PUS10: variants seen among roughly 807,000 people sequenced by gnomAD.
The protein encoded by PUS10 is tRNA pseudouridine synthase Pus10.
PUS10 carries 59 observed loss-of-function variants against 75.0 expected under a neutral mutation model. The ratio of observed to expected loss-of-function variants is 0.79; its 90% CI spans 0.64 to 0.98. PUS10 has a LOEUF of 0.98. Among genes scored for constraint, PUS10 ranks in the 50% least tolerant of loss-of-function variants. The pLI is 0.00. For synonymous variants in PUS10, 219 were observed against 211.6 expected (o/e 1.03, Z -0.30); for missense variants, 650 against 614.4 (o/e 1.06, Z -0.61).
intron 4 of PUS10, among the ~76,000 whole-genome samples, chr2:60,998,185 A>G (rs1678604391): frequency 6.6e-6 from 1 of 152,216 alleles, no homozygotes; most frequent in Non-Finnish European, 1.5e-5. Flanking sequence ...AAGGGAAATT[A>G]CCAATTAAAA....
chr2:61,008,178 G>A (rs1353812422), intron 3 of PUS10, among the ~76,000 whole-genome samples: 1 of 152,020 alleles, frequency 6.6e-6, no homozygotes, highest in Non-Finnish European at 1.5e-5. Context: ...CTTGAGGCCA[G>A]GAGTTCAAGA....
intron 4 of PUS10, among the ~76,000 whole-genome samples, chr2:60,992,563 C>T (rs1335958315): frequency 6.6e-6 from 1 of 151,368 alleles, no homozygotes; most frequent in Non-Finnish European, 1.5e-5. Context: ...CATCATAACA[C>T]CCCAGCCTCA....
rs995155113 is a variant in PUS10 at position 61,005,306 on chromosome 2, C to T, written c.468+1251G>A. Among the ~76,000 whole-genome samples, 10 of 151,962 alleles carry T rather than the reference C, an allele frequency of 6.6e-5. No individual in the cohort carries two copies. The South Asian group carries it at 8.3e-4, about 13-fold the overall frequency. ...ACAAACAAATCTTCTGTTTCTAATA[C>T]GGAATATAAATACCTTATAAATAGT... is the stretch of plus-strand genomic sequence containing the variant. On this transcript the variant is annotated intron_variant, in intron 4 of 17. Transcript: ENST00000316752.
At chr2:60,962,950 C>T (rs993624764) in intron 8 of PUS10, 60 bp from the exon 9 acceptor site, 88 of 1,489,964 alleles carry the variant, frequency 5.9e-5, no homozygotes, top group African/African-American at 1.6e-4. Flanking sequence ...AAACATCAGA[C>T]GTGAAACACA....
chr2:60,968,688 A>T (rs553283613), intron 5 of PUS10, among the ~76,000 whole-genome samples: 3 of 151,840 alleles, frequency 2.0e-5, no homozygotes, highest in South Asian at 2.1e-4. Context: ...AAAAAAAAAT[A>T]AAAAAAAGAA....
chr2:61,007,310 C>T (rs1267004488), intron 3 of PUS10, among the ~76,000 whole-genome samples: 1 of 151,250 alleles, frequency 6.6e-6, no homozygotes, highest in East Asian at 1.9e-4. Flanking sequence ...TATAAAAATT[C>T]TTGGACCTGG....
intron 11 of PUS10, among the ~76,000 whole-genome samples, chr2:60,956,500 A>T (rs971406691): frequency 3.3e-5 from 5 of 152,188 alleles, no homozygotes; most frequent in African/African-American, 1.2e-4. Context: ...GGCCTCAAAG[A>T]AATAAGTCTA....
chr2:60,960,540 G>A, intron 10 of PUS10, 23 bp from the exon 11 acceptor site: 2 of 1,556,782 alleles, frequency 1.3e-6, no homozygotes, highest in Non-Finnish European at 1.7e-6. Flanking sequence ...TAATCAGATA[G>A]CCTGGATGGA....
intron 4 of PUS10, among the ~76,000 whole-genome samples, chr2:61,000,925 A>C (rs371731109): frequency 1.3e-5 from 2 of 152,214 alleles, no homozygotes; most frequent in African/African-American, 4.8e-5. Flanking sequence ...TTCTGAAGCT[A>C]TACTGAAATG....
chr2:60,991,170 C>A (rs1678050634), intron 4 of PUS10, among the ~76,000 whole-genome samples: 1 of 152,118 alleles, frequency 6.6e-6, no homozygotes, highest in African/African-American at 2.4e-5. Context: ...TGAGTCCCTG[C>A]ACCTGGCCTG....
intron 15 of PUS10, among the ~76,000 whole-genome samples, chr2:60,948,650 GT>G (rs1278611715): frequency 1.3e-5 from 2 of 152,096 alleles, no homozygotes. Context: ...AATACATCTT[GT>G]TTAGGGTGAC....
intron 11 of PUS10, among the ~76,000 whole-genome samples, chr2:60,959,670 C>T (rs867828807): frequency 2.0e-5 from 3 of 152,184 alleles, no homozygotes; most frequent in South Asian, 2.1e-4. Flanking sequence ...ATTGCAGGTG[C>T]GCACCACTGC....
intron 11 of PUS10, among the ~76,000 whole-genome samples, chr2:60,956,382 G>A (rs951891201): frequency 1.3e-5 from 2 of 152,220 alleles, no homozygotes; most frequent in Non-Finnish European, 2.9e-5. Context: ...GCTAGGATTT[G>A]TCTTACAGCT....
intron 1 of PUS10, among the ~76,000 whole-genome samples, chr2:61,013,747 G>A (rs12998880): frequency 0.14 from 21,359 of 152,016 alleles, 1,849 homozygotes; most frequent in Non-Finnish European, 0.19. Context: ...AATTGAGGCC[G>A]GGTGCAGTGG....
intron 3 of PUS10, among the ~76,000 whole-genome samples, chr2:61,007,769 C>CAA (rs70959884): frequency 0.27 from 21,747 of 80,164 alleles, 2,099 homozygotes; most frequent in Middle Eastern, 0.39. Flanking sequence ...AACTCTGTCT[C>CAA]AAAAAAAAAA....
rs767346075 is a variant in PUS10, at chr2:61,018,222, T to G, written c.-230A>C. ...CTGTAGCAGTTGAGAGCGGCATTTG[T>G]CCAGCCACGGCATCGACAGGGAGCA... On this transcript the variant is annotated 5_prime_UTR_variant, in exon 1 of 18. Transcript: ENST00000316752. 1.3e-4 allele frequency: 196 copies of G among 1,551,042 alleles called. No homozygotes were observed. Among genetic ancestry groups the G allele is most frequent in the East Asian group, 5.6e-4 (23 of 41,058 alleles).
chr2:60,989,804 T>C (rs1365566315), intron 4 of PUS10, among the ~76,000 whole-genome samples: 13 of 152,056 alleles, frequency 8.5e-5, no homozygotes, highest in Admixed American at 8.5e-4. Context: ...AATATATTTT[T>C]AGTAGAGATG....
At chr2:60,963,966 T>C (rs941762734) in intron 8 of PUS10, among the ~76,000 whole-genome samples, 2 of 152,222 alleles carry the variant, frequency 1.3e-5, no homozygotes, top group African/African-American at 4.8e-5. Flanking sequence ...TTACAGGTTA[T>C]TTGGGCAGAG....
In PUS10 at chr2:60,960,436, TC is replaced by T; in HGVS notation, c.955del (p.Glu319LysfsTer3). 3 of 1,578,114 alleles carry T rather than the reference TC, an allele frequency of 1.9e-6. No homozygotes were observed. The highest frequency in any genetic ancestry group is 2.6e-6 in the Non-Finnish European group (3 of 1,166,780). ...CAACAGATGATCTGAAATTAATTCT[TC>T]CACTGAAGATTCCAGCTTCCTTTCT... ...DGERKLESSV[E>X]ELISDHLLAV... On this transcript the variant is annotated frameshift_variant, in exon 11 of 18. Coordinates refer to ENST00000316752, the MANE Select transcript of PUS10 (RefSeq NM_144709.4). LOFTEE classifies it high-confidence loss of function.
Sources: gnomAD v4.1 joint callset for allele counts (sites outside exome capture counted in the v4.1 genomes callset) on GRCh38, gnomAD v4.1.1 for gene constraint, MANE v1.5 for transcripts, NCBI Gene and HGNC (gene_info 2026-07-23, HGNC 2026-07-21) for gene names.